Variants in PCDHGA4 observed in about 807,000 individuals in gnomAD.
The protein encoded by PCDHGA4 is protocadherin gamma subfamily A, 4.
PCDHGA4 carries 38 observed loss-of-function variants against 54.6 expected under a neutral mutation model. The ratio of observed to expected loss-of-function variants is 0.70; its 90% CI spans 0.54 to 0.91. The LOEUF (loss-of-function observed/expected upper bound fraction) is 0.91. PCDHGA4 is among the 40% of genes least tolerant of loss of function. PCDHGA4 has a pLI of 0.00. For synonymous variants in PCDHGA4, 511 were observed against 512.9 expected, an observed-to-expected ratio of 1.00 and a Z score of 0.05; for missense variants, 1,298 against 1,220.9, an observed-to-expected ratio of 1.06 and a Z score of -0.94.
intron 1 of PCDHGA4, chr5:141,370,191 T>C: frequency 1.9e-6 from 1 of 522,822 alleles, no homozygotes; most frequent in Non-Finnish European, 3.3e-6. Context: ...TCTTGGCTAG[T>C]GCTGTGCAAA....
intron 1 of PCDHGA4, chr5:141,478,679 C>T (rs1247027395): frequency 3.2e-6 from 5 of 1,551,382 alleles, no homozygotes; most frequent in East Asian, 2.4e-5. Flanking sequence ...TCAACTGGCC[C>T]TTCCTAGATC....
intron 1 of PCDHGA4, among the ~76,000 whole-genome samples, chr5:141,425,103 A>G (rs894147422): frequency 1.3e-5 from 2 of 152,202 alleles, no homozygotes; most frequent in Non-Finnish European, 2.9e-5. Flanking sequence ...CTTCCAACAG[A>G]TGCCTACATT....
At chr5:141,390,505 A>T in intron 1 of PCDHGA4, 1 of 600,954 alleles carries the variant, frequency 1.7e-6, no homozygotes, top group South Asian at 2.1e-5. Context: ...CCAAGCTTAG[A>T]TTTATAAAGC....
chr5:141,387,471 T>C (rs1321289050), intron 1 of PCDHGA4, among the ~76,000 whole-genome samples: 3 of 152,232 alleles, frequency 2.0e-5, no homozygotes, highest in East Asian at 1.9e-4. Flanking sequence ...ATCCTCAAAG[T>C]TGGGATGAAG....
chr5:141,458,970 C>T (rs1260904595), intron 1 of PCDHGA4, among the ~76,000 whole-genome samples: 1 of 152,170 alleles, frequency 6.6e-6, no homozygotes, highest in Admixed American at 6.6e-5. Flanking sequence ...CAGCCTCAAG[C>T]AGTCCTCCTG....
chr5:141,486,170 C>T lies in PCDHGA4; in HGVS notation c.2515-8637C>T, dbSNP rs759946548. The stretch of plus-strand genomic sequence containing the variant: ...TGGGGGTTCTCCAGCCATGGAGCAA[C>T]ATTGCAGCCTTCGAGTGGATCTGCT... On this transcript the variant is annotated intron_variant, in intron 1 of 3. Coordinates refer to ENST00000571252, the MANE Select transcript of PCDHGA4 (RefSeq NM_018917.4). This position sits in a 1 kb window ranked among gnomAD's most constrained non-coding sequence, Gnocchi z 5.0. The T allele has an allele frequency of 1.5e-5, 24 of 1,614,116 alleles. No individual in the cohort carries two copies. Among genetic ancestry groups the T allele is most frequent in the South Asian group, 4.4e-5 (4 of 91,090 alleles).
Position 141,409,574 on chromosome 5 carries a change from G to C in PCDHGA4, c.2514+51953G>C, listed in dbSNP as rs752388742. ...CCCAGTTTTCGACCAGACGTCCTACGTGGTCCACGTGGCCGAGAACAACCC... is the reference window on the plus strand; with the variant it reads ...CCCAGTTTTCGACCAGACGTCCTACCTGGTCCACGTGGCCGAGAACAACCC... On this transcript the variant is annotated intron_variant, in intron 1 of 3. Coordinates refer to ENST00000571252, the MANE Select transcript of PCDHGA4 (RefSeq NM_018917.4). 32 of 1,613,902 alleles carry C rather than the reference G, an allele frequency of 2.0e-5. No individual in the cohort carries two copies. In the East Asian group the frequency reaches 6.9e-4, roughly 35 times the overall value.
chr5:141,392,641 C>G (rs541777624), intron 1 of PCDHGA4: 2 of 655,502 alleles, frequency 3.1e-6, no homozygotes, highest in Non-Finnish European at 2.5e-6. Context: ...TCACACCTCA[C>G]GAAGACCCGC....
At chr5:141,414,446 T>C in intron 1 of PCDHGA4, 1 of 1,613,864 alleles carries the variant, frequency 6.2e-7, no homozygotes, top group Non-Finnish European at 8.5e-7. Flanking sequence ...TCTTACAATA[T>C]CACAGTGACA....
chr5:141,454,489 C>T (rs1450435753), intron 1 of PCDHGA4, among the ~76,000 whole-genome samples: 1 of 152,222 alleles, frequency 6.6e-6, no homozygotes, highest in African/African-American at 2.4e-5. Flanking sequence ...TCACCGCAAC[C>T]TCCACCTCCT....
intron 1 of PCDHGA4, among the ~76,000 whole-genome samples, chr5:141,467,211 C>G (rs1288732759): frequency 6.6e-6 from 1 of 152,068 alleles, no homozygotes; most frequent in Non-Finnish European, 1.5e-5. Context: ...TGCCACCATG[C>G]CTGGCTAATT....
intron 1 of PCDHGA4, chr5:141,362,465 C>A: frequency 6.2e-7 from 1 of 1,614,054 alleles, no homozygotes; most frequent in South Asian, 1.1e-5. Context: ...TTGGTTCCCG[C>A]GCAAGATCTC....
intron 1 of PCDHGA4, among the ~76,000 whole-genome samples, chr5:141,425,048 T>C (rs1590618422): frequency 6.6e-6 from 1 of 152,350 alleles, no homozygotes; most frequent in African/African-American, 2.4e-5. Flanking sequence ...AAACTGACTA[T>C]CTAGGGCTCG....
chr5:141,370,392 G>GGGATGGGAAATAGCTCC, intron 1 of PCDHGA4: 1 of 1,544,790 alleles, frequency 6.5e-7, no homozygotes, highest in Non-Finnish European at 8.7e-7. Context: ...CGCAGAGAGC[G>GGGATGGGAAATAGCTCC]GGATGGGAAA....
At chr5:141,370,615 T>A in intron 1 of PCDHGA4, 2 of 1,613,882 alleles carry the variant, frequency 1.2e-6, no homozygotes, top group Non-Finnish European at 1.7e-6. Context: ...GAGAAGAAAT[T>A]CTTTACCGTG....
Position 141,364,781 on chromosome 5 carries a change from C to G in PCDHGA4, c.2514+7160C>G, listed in dbSNP as rs754157065. On this transcript the variant is annotated intron_variant, in intron 1 of 3. Transcript: ENST00000571252. ...TAATGAAAATGCGGCTGCAGGGACA[C>G]GGTTAGTGCTTCCCTTCGCGCGGGA... 5 of 1,613,988 alleles carry G rather than the reference C, an allele frequency of 3.1e-6. No homozygotes were observed. The South Asian group carries it at 3.3e-5, about 11-fold the overall frequency.
chr5:141,357,026 T>A lies in PCDHGA4; in HGVS notation c.1919T>A (p.Leu640His), dbSNP rs1209829299. 6.2e-7 allele frequency: 1 copy of A among 1,613,970 alleles called. No individual in the cohort carries two copies. Among genetic ancestry groups the A allele is most frequent in the Non-Finnish European group, 8.5e-7 (1 of 1,179,996 alleles). Residue 640 changes from leucine (L) to histidine (H), a missense_variant, in exon 1 of 4, where the codon CTC becomes CAC. Leu to His is a moderately conservative substitution (Grantham distance 99). Coordinates refer to ENST00000571252, the MANE Select transcript of PCDHGA4 (RefSeq NM_018917.4). ...AATGCCTGGCTGTCCTACAGCCTACTCAAGTCCAGCGAGCCGGGACTATTT... is the reference window on the plus strand; with the variant it reads ...AATGCCTGGCTGTCCTACAGCCTACACAAGTCCAGCGAGCCGGGACTATTT... ...GQNAWLSYSL[L>H]KSSEPGLFAV... is the part of the protein sequence containing the mutation.
chr5:141,490,715 C>G lies in PCDHGA4; in HGVS notation c.2515-4092C>G, dbSNP rs757619272. The stretch of plus-strand genomic sequence containing the variant: ...GGGGATAATGCCCGCCTCACCTACT[C>G]CATTGTAGGAAATCAGGTTCAGGGA... On this transcript the variant is annotated intron_variant, in intron 1 of 3. Coordinates refer to ENST00000571252, the MANE Select transcript of PCDHGA4 (RefSeq NM_018917.4). This position sits in a 1 kb window ranked among gnomAD's most constrained non-coding sequence, Gnocchi z 5.4. 14 of 1,614,130 alleles carry G rather than the reference C, an allele frequency of 8.7e-6. No individual in the cohort carries two copies. Among genetic ancestry groups the G allele is most frequent in the Non-Finnish European group, 1.1e-5 (13 of 1,179,978 alleles).
chr5:141,461,058 T>C (rs1450016344), intron 1 of PCDHGA4, among the ~76,000 whole-genome samples: 2 of 152,010 alleles, frequency 1.3e-5, no homozygotes, highest in Admixed American at 1.3e-4. Context: ...CTTAGGTTGG[T>C]TTCACATTTT....
Sources: allele counts gnomAD v4.1 joint callset (sites outside exome capture counted in the v4.1 genomes callset), GRCh38; gene constraint gnomAD v4.1.1; non-coding constraint Gnocchi (gnomAD v3.1); transcripts MANE v1.5; gene names NCBI Gene and HGNC (gene_info 2026-07-23, HGNC 2026-07-21).